The following GPR39 variants were observed in gnomAD, a reference collection of about 807,000 sequenced individuals.
GPR39 encodes the protein G protein-coupled receptor 39.
Under a neutral mutation model 18.4 loss-of-function variants are expected in GPR39, and 23 were observed. The observed-to-expected ratio is 1.25, with a 90% CI of 0.90 to 1.77. The LOEUF (loss-of-function observed/expected upper bound fraction) is 1.77. Ranked by LOEUF, GPR39 falls within the 40% of genes most tolerant of loss-of-function variation. The pLI, the probability that GPR39 is intolerant of heterozygous loss-of-function variation, is 0.00. For missense variants in GPR39, 647 were observed against 602.4 expected, an observed-to-expected ratio of 1.07 and a Z score of -0.78; for synonymous variants, 280 against 257.9, an observed-to-expected ratio of 1.09 and a Z score of -0.82.
intron 1 of GPR39, among the ~76,000 whole-genome samples, chr2:132,599,799 G>A (rs993862368): frequency 6.6e-6 from 1 of 152,120 alleles, no homozygotes; most frequent in Non-Finnish European, 1.5e-5. Context: ...CATTCAAGCT[G>A]GTAAACTGAG....
At chr2:132,438,941 T>A (rs549220602) in intron 1 of GPR39, among the ~76,000 whole-genome samples, 1 of 152,312 alleles carries the variant, frequency 6.6e-6, no homozygotes, top group African/African-American at 2.4e-5. Flanking sequence ...AGCGAGCATG[T>A]GTATGTTTAA....
intron 1 of GPR39, among the ~76,000 whole-genome samples, chr2:132,503,793 G>T (rs896911231): frequency 2.0e-5 from 3 of 152,188 alleles, no homozygotes; most frequent in Non-Finnish European, 2.9e-5. Flanking sequence ...GGGGATGGGG[G>T]TGTGGTTCCC....
At chr2:132,422,164 C>A (rs184282883) in intron 1 of GPR39, among the ~76,000 whole-genome samples, 1 of 152,182 alleles carries the variant, frequency 6.6e-6, no homozygotes, top group Non-Finnish European at 1.5e-5. Context: ...ATAAAAAGGG[C>A]CTCTCTTCAT....
At chr2:132,434,450 C>A (rs1680276453) in intron 1 of GPR39, among the ~76,000 whole-genome samples, 1 of 152,140 alleles carries the variant, frequency 6.6e-6, no homozygotes, top group South Asian at 2.1e-4. Flanking sequence ...TAAGGAACTG[C>A]CTTTTAAAAT....
chr2:132,554,012 A>G (rs992305292), intron 1 of GPR39, among the ~76,000 whole-genome samples: 5 of 152,166 alleles, frequency 3.3e-5, no homozygotes, highest in African/African-American at 9.7e-5. Flanking sequence ...GACCCCATGG[A>G]GATGAGGCTG....
At chr2:132,631,494 C>T (rs1296634170) in intron 1 of GPR39, among the ~76,000 whole-genome samples, 1 of 152,190 alleles carries the variant, frequency 6.6e-6, no homozygotes, top group Non-Finnish European at 1.5e-5. Flanking sequence ...CCATCTCAAC[C>T]TTCCTGAGAG....
At chr2:132,606,621 G>A (rs1219918072) in intron 1 of GPR39, among the ~76,000 whole-genome samples, 1 of 152,224 alleles carries the variant, frequency 6.6e-6, no homozygotes, top group Admixed American at 6.5e-5. Flanking sequence ...CAGTTGGCTT[G>A]TGTTAGTTCA....
intron 1 of GPR39, among the ~76,000 whole-genome samples, chr2:132,543,011 G>A (rs1344021519): frequency 6.6e-6 from 1 of 152,106 alleles, no homozygotes; most frequent in Non-Finnish European, 1.5e-5. Context: ...CCCAGTATGG[G>A]GGTGGGTGTT....
At chr2:132,493,081 A>ATACCATATG (rs1681534646) in intron 1 of GPR39, among the ~76,000 whole-genome samples, 1 of 143,862 alleles carries the variant, frequency 7.0e-6, no homozygotes, top group South Asian at 2.2e-4. Flanking sequence ...TACCACATAT[A>ATACCATATG]TACCATATAT....
chr2:132,512,343 A>C (rs1033474576), intron 1 of GPR39, among the ~76,000 whole-genome samples: 1 of 152,184 alleles, frequency 6.6e-6, no homozygotes, highest in African/African-American at 2.4e-5. Context: ...AGGGATTCTG[A>C]AAGAGATACT....
intron 1 of GPR39, among the ~76,000 whole-genome samples, chr2:132,637,834 C>T (rs1368025173): frequency 6.6e-6 from 1 of 152,154 alleles, no homozygotes; most frequent in Admixed American, 6.5e-5. Flanking sequence ...GGAGATTGCC[C>T]TCTCTGCCAC....
intron 1 of GPR39, among the ~76,000 whole-genome samples, chr2:132,499,174 A>G (rs897169817): frequency 6.6e-6 from 1 of 152,154 alleles, no homozygotes; most frequent in Non-Finnish European, 1.5e-5. Flanking sequence ...TATCTTTTAG[A>G]ATCTTTATGG....
At chr2:132,483,465 G>A (rs1024889857) in intron 1 of GPR39, among the ~76,000 whole-genome samples, 2 of 152,224 alleles carry the variant, frequency 1.3e-5, no homozygotes, top group Non-Finnish European at 2.9e-5. Context: ...TAATGATGGA[G>A]TGCTTTTGTA....
At chr2:132,616,632 T>C (rs1044553368) in intron 1 of GPR39, among the ~76,000 whole-genome samples, 1 of 152,184 alleles carries the variant, frequency 6.6e-6, no homozygotes, top group Non-Finnish European at 1.5e-5. Flanking sequence ...TCCAGCTTTG[T>C]ATGATCTCCT....
intron 1 of GPR39, among the ~76,000 whole-genome samples, chr2:132,638,101 A>G (rs1681795530): frequency 6.6e-6 from 1 of 152,154 alleles, no homozygotes. Flanking sequence ...GTGGGGAAAA[A>G]TAAGAGGAAA....
chr2:132,541,438 T>A, intron 1 of GPR39, among the ~76,000 whole-genome samples: 1 of 152,190 alleles, frequency 6.6e-6, no homozygotes, highest in East Asian at 1.9e-4. Flanking sequence ...ATAAACTGTC[T>A]GGAAAATAAA....
At chr2:132,528,033 G>T (rs919475531) in intron 1 of GPR39, among the ~76,000 whole-genome samples, 1 of 152,112 alleles carries the variant, frequency 6.6e-6, no homozygotes, top group Non-Finnish European at 1.5e-5. Flanking sequence ...GCATTGCCTA[G>T]GTTTTCTTCT....
intron 1 of GPR39, among the ~76,000 whole-genome samples, chr2:132,582,582 G>A (rs909164757): frequency 6.6e-6 from 1 of 152,118 alleles, no homozygotes; most frequent in African/African-American, 2.4e-5. Context: ...AGAGCCCAGG[G>A]GATTCTTAGC....
intron 1 of GPR39, among the ~76,000 whole-genome samples, chr2:132,568,158 T>C (rs1680383734): frequency 1.3e-5 from 2 of 152,098 alleles, no homozygotes; most frequent in Admixed American, 1.3e-4. Flanking sequence ...TCAACTCCCC[T>C]TGCCAGTGGT....
Sources: allele counts gnomAD v4.1 joint callset (sites outside exome capture counted in the v4.1 genomes callset), GRCh38; gene constraint gnomAD v4.1.1; transcripts MANE v1.5; gene names NCBI Gene and HGNC (gene_info 2026-07-23, HGNC 2026-07-21).